Variants in VPS53 observed in about 807,000 individuals in gnomAD.
VPS53 encodes the protein vacuolar protein sorting-associated protein 53 homolog.
A neutral mutation model predicts 107.0 loss-of-function variants in VPS53; 70 were observed. That is an observed-to-expected ratio of 0.65 (90% CI 0.54 to 0.80). The LOEUF (loss-of-function observed/expected upper bound fraction) is 0.80. Ranked by LOEUF, VPS53 falls within the 30% of genes least tolerant of loss-of-function variation. The pLI, the probability that VPS53 is intolerant of heterozygous loss-of-function variation, is 0.00. For synonymous variants in VPS53, 409 were observed against 393.3 expected, an observed-to-expected ratio of 1.04 and a Z score of -0.47; for missense variants, 917 against 1,049.4, an observed-to-expected ratio of 0.87 and a Z score of 1.74.
In VPS53 at chr17:562,633, C is replaced by A; in HGVS notation, c.1426G>T (p.Val476Phe). The change falls in exon 14 of 22, where the codon GTC becomes TTC. Residue 476 changes from valine to phenylalanine, a missense_variant. Val to Phe is a conservative substitution (Grantham distance 50). Coordinates refer to ENST00000437048, the MANE Select transcript of VPS53 (RefSeq NM_001128159.3). ...AVLPSCADLF[V>F]YYKKCMVQCS... ...TGCACCATGCACTTCTTGTAGTAGA[C>A]AAAGAGGTCGGCGCAGCTGGGGAGC... The A allele has an allele frequency of 6.2e-7, 1 of 1,613,900 alleles. No individual in the cohort carries two copies. Among genetic ancestry groups the A allele is most frequent in the Non-Finnish European group, 8.5e-7 (1 of 1,180,000 alleles).
intron 4 of VPS53, among the ~76,000 whole-genome samples, chr17:688,040 T>G (rs1196317360): frequency 6.6e-6 from 1 of 152,188 alleles, no homozygotes; most frequent in Non-Finnish European, 1.5e-5. Flanking sequence ...CTATTTGGAT[T>G]CCTTATAGCT....
intron 5 of VPS53, among the ~76,000 whole-genome samples, chr17:658,255 TA>T (rs72137259): frequency 0.029 from 1,307 of 44,428 alleles, 5 homozygotes; most frequent in Non-Finnish European, 0.049. Flanking sequence ...CGTGGATAGA[TA>T]ACATCCCACT....
chr17:651,070 A>T (rs902114225), intron 7 of VPS53, among the ~76,000 whole-genome samples: 1 of 152,252 alleles, frequency 6.6e-6, no homozygotes, highest in African/African-American at 2.4e-5. Flanking sequence ...TAGGATTAAA[A>T]CTATAGATTT....
intron 11 of VPS53, 138 bp from the exon 12 acceptor site, chr17:602,034 C>T: frequency 1.9e-6 from 1 of 525,522 alleles, no homozygotes; most frequent in Middle Eastern, 4.7e-4. Flanking sequence ...GCAACCCAGA[C>T]CACATTCTTG....
At chr17:532,643 C>T in intron 19 of VPS53, 199 bp downstream of exon 19, 1 of 1,369,842 alleles carries the variant, frequency 7.3e-7, no homozygotes. Flanking sequence ...GCACCCAGAA[C>T]TTAGTAGGCG....
In VPS53 at chr17:537,018, C is replaced by T. The variant is rs1200487821; in HGVS notation, c.2015+10G>A. The T allele has an allele frequency of 1.2e-6, 2 of 1,613,986 alleles. No homozygotes were observed. The highest frequency in any genetic ancestry group is 2.2e-5 in the East Asian group (1 of 44,894). ...CAAGAACCCAGAGATGAGCACGCCC[C>T]AGGACTTACTTTGCAAATTTAACGC... is the stretch of plus-strand genomic sequence containing the variant. On this transcript the variant is annotated intron_variant, in intron 18 of 21. Transcript: ENST00000437048.
At chr17:632,504 T>G (rs1385688781) in intron 7 of VPS53, among the ~76,000 whole-genome samples, 2 of 152,136 alleles carry the variant, frequency 1.3e-5, no homozygotes, top group Non-Finnish European at 2.9e-5. Context: ...ATTTGTTACT[T>G]CTCCGTGTTA....
chr17:697,211 G>A (rs1044731918), intron 4 of VPS53, among the ~76,000 whole-genome samples: 3 of 152,250 alleles, frequency 2.0e-5, no homozygotes, highest in African/African-American at 7.2e-5. Context: ...GGCCTCGGGT[G>A]AGCGGTGCCA....
chr17:661,716 C>G, intron 5 of VPS53, 93 bp downstream of exon 5: 1 of 1,226,046 alleles, frequency 8.2e-7, no homozygotes, highest in Middle Eastern at 2.0e-4. Flanking sequence ...GCAGGAGGTG[C>G]CATTATTAGA....
intron 11 of VPS53, among the ~76,000 whole-genome samples, chr17:602,853 G>A (rs1467429337): frequency 6.6e-6 from 1 of 152,196 alleles, no homozygotes; most frequent in Non-Finnish European, 1.5e-5. Flanking sequence ...TTATGCCTGG[G>A]AGCTGAAGGC....
chr17:691,644 G>A (rs1972778230), intron 4 of VPS53, among the ~76,000 whole-genome samples: 1 of 152,166 alleles, frequency 6.6e-6, no homozygotes, highest in Admixed American at 6.5e-5. Context: ...GCCATTCTGA[G>A]TAGTGTGATA....
chr17:587,964 T>A (rs935382627), intron 12 of VPS53, among the ~76,000 whole-genome samples: 1 of 152,178 alleles, frequency 6.6e-6, no homozygotes, highest in South Asian at 2.1e-4. Flanking sequence ...AGGCAGTAAG[T>A]GTATCCACCA....
chr17:682,607 A>AC (rs1487904563), intron 4 of VPS53, among the ~76,000 whole-genome samples: 1 of 152,246 alleles, frequency 6.6e-6, no homozygotes, highest in East Asian at 1.9e-4. Flanking sequence ...AAGTGTAAGC[A>AC]CAGGTGGGTT....
chr17:634,266 C>A (rs1970093227), intron 7 of VPS53, among the ~76,000 whole-genome samples: 2 of 152,154 alleles, frequency 1.3e-5, no homozygotes, highest in African/African-American at 4.8e-5. Flanking sequence ...GAAAGGAGAA[C>A]CAGAGCCTGT....
chr17:543,648 A>C (rs772445335), intron 17 of VPS53, among the ~76,000 whole-genome samples: 3 of 151,774 alleles, frequency 2.0e-5, no homozygotes, highest in Non-Finnish European at 4.4e-5. Context: ...TGTAGGATTT[A>C]AATCTAAAAG....
intron 15 of VPS53, among the ~76,000 whole-genome samples, chr17:553,797 C>T (rs1912093249): frequency 6.6e-6 from 1 of 152,060 alleles, no homozygotes; most frequent in African/African-American, 2.4e-5. Context: ...CTCAAACTCC[C>T]AACCTCAGGT....
chr17:713,105 G>A (rs1973703087), intron 1 of VPS53, among the ~76,000 whole-genome samples: 1 of 151,978 alleles, frequency 6.6e-6, no homozygotes, highest in Admixed American at 6.6e-5. Flanking sequence ...GGAGGCTGAG[G>A]CAGGGTTATC....
chr17:672,812 A>T (rs1417720460), intron 4 of VPS53, among the ~76,000 whole-genome samples: 1 of 152,160 alleles, frequency 6.6e-6, no homozygotes, highest in Non-Finnish European at 1.5e-5. Flanking sequence ...ACAAAGAGCG[A>T]TGAATAAAGA....
At chr17:620,828 A>C (rs1969439085) in intron 11 of VPS53, among the ~76,000 whole-genome samples, 1 of 151,996 alleles carries the variant, frequency 6.6e-6, no homozygotes, top group African/African-American at 2.4e-5. Flanking sequence ...GGCTGCTCTC[A>C]AACTCCTGAC....
Sources: gnomAD v4.1 joint callset for allele counts (sites outside exome capture counted in the v4.1 genomes callset) on GRCh38, gnomAD v4.1.1 for gene constraint, MANE v1.5 for transcripts, NCBI Gene and HGNC (gene_info 2026-07-23, HGNC 2026-07-21) for gene names.